CCDC7: variants seen among roughly 807,000 people sequenced by gnomAD.
CCDC7 encodes the protein coiled-coil domain containing 7, also known as coiled-coil domain-containing protein 7.
CCDC7 carries 183 observed loss-of-function variants against 196.9 expected under a neutral mutation model. The ratio of observed to expected loss-of-function variants is 0.93; its 90% confidence interval spans 0.82 to 1.05. The LOEUF (loss-of-function observed/expected upper bound fraction) is 1.05. Among genes scored for constraint, CCDC7 ranks in the 50% least tolerant of loss-of-function variants. CCDC7 has a pLI of 0.00. For synonymous variants in CCDC7, 525 were observed against 484.6 expected, an observed-to-expected ratio of 1.08 and a Z score of -1.10; for missense variants, 1,540 against 1,482.2, an observed-to-expected ratio of 1.04 and a Z score of -0.64.
At chr10:32,814,029 C>T (rs1016063604) in intron 30 of CCDC7, among the ~76,000 whole-genome samples, 1 of 152,158 alleles carries the variant, frequency 6.6e-6, no homozygotes, top group African/African-American at 2.4e-5. Flanking sequence ...ATGATCTCAG[C>T]TCACTGCAAC....
intron 20 of CCDC7, among the ~76,000 whole-genome samples, chr10:32,652,594 C>A (rs1056275462): frequency 6.6e-6 from 1 of 151,614 alleles, no homozygotes; most frequent in Non-Finnish European, 1.5e-5. Context: ...TTGTGGTTAC[C>A]GTGAGGCTTA....
At chr10:32,468,732 G>C (rs966738670) in intron 5 of CCDC7, among the ~76,000 whole-genome samples, 3 of 142,288 alleles carry the variant, frequency 2.1e-5, no homozygotes, top group Non-Finnish European at 4.7e-5. Flanking sequence ...TACTGGATTA[G>C]ATTTCTTTTG....
At chr10:32,547,620 A>G in intron 13 of CCDC7, among the ~76,000 whole-genome samples, 1 of 152,336 alleles carries the variant, frequency 6.6e-6, no homozygotes, top group East Asian at 1.9e-4. Flanking sequence ...TTCTGTGGGT[A>G]CATAGTAGGT....
intron 23 of CCDC7, among the ~76,000 whole-genome samples, chr10:32,693,007 T>C (rs988832842): frequency 1.3e-5 from 2 of 152,200 alleles, no homozygotes; most frequent in Non-Finnish European, 2.9e-5. Flanking sequence ...GAGTTCAGAT[T>C]GCTTAACACA....
exon 32 of CCDC7, chr10:32,824,581 A>G: frequency 6.2e-7 from 1 of 1,611,482 alleles, no homozygotes; most frequent in Non-Finnish European, 8.5e-7. Flanking sequence ...ATTAAGACGC[A>G]GTTAAAGAGA....
chr10:32,647,010 T>G (rs1414994455), intron 20 of CCDC7, among the ~76,000 whole-genome samples: 2 of 152,232 alleles, frequency 1.3e-5, no homozygotes, highest in Admixed American at 6.5e-5. Flanking sequence ...TGATTCCATG[T>G]CTTGCTATTG....
chr10:32,744,720 T>A (rs577187167), intron 28 of CCDC7, among the ~76,000 whole-genome samples: 2 of 152,352 alleles, frequency 1.3e-5, no homozygotes, highest in Non-Finnish European at 2.9e-5. Flanking sequence ...GGTAACAGTC[T>A]TTTATCAGAT....
At chr10:32,641,107 G>A (rs1269642531) in intron 20 of CCDC7, among the ~76,000 whole-genome samples, 2 of 151,934 alleles carry the variant, frequency 1.3e-5, no homozygotes, top group African/African-American at 4.8e-5. Context: ...TTTCAACTTT[G>A]GTGAATCTGA....
intron 13 of CCDC7, among the ~76,000 whole-genome samples, chr10:32,549,508 G>T (rs61856039): frequency 0.024 from 3,685 of 152,032 alleles, 65 homozygotes; most frequent in Non-Finnish European, 0.036. Context: ...TCTAGAAGGG[G>T]TTTTCCAATG....
At chr10:32,853,168 T>C (rs1007812316) in intron 40 of CCDC7, among the ~76,000 whole-genome samples, 6 of 152,226 alleles carry the variant, frequency 3.9e-5, no homozygotes, top group South Asian at 2.1e-4. Flanking sequence ...GGTTTTTTTT[T>C]CTAAGCCCAA....
intron 25 of CCDC7, 63 bp downstream of exon 26, chr10:32,711,793 T>C (rs2080880413): frequency 1.1e-6 from 1 of 932,982 alleles, no homozygotes; most frequent in East Asian, 3.0e-5. Context: ...AACTTTTTTC[T>C]TTGGTTCATA....
At chr10:32,616,166 A>G (rs1246094694) in intron 18 of CCDC7, among the ~76,000 whole-genome samples, 1 of 151,964 alleles carries the variant, frequency 6.6e-6, no homozygotes. Context: ...TTCCATATGA[A>G]TTTTAGGATT....
rs190663058 is a variant in CCDC7 at position 32,754,629 on chromosome 10, T to C, written c.2906-24348T>C. Among the ~76,000 whole-genome samples, 4 of 152,244 alleles carry C rather than the reference T, an allele frequency of 2.6e-5. No homozygotes were observed. The East Asian group carries it at 7.7e-4, about 29-fold the overall frequency. On this transcript the variant is annotated intron_variant, in intron 28 of 41. Coordinates refer to ENST00000639629, the Ensembl canonical transcript of CCDC7. ...CTAACTGCATATTAAAAAGCTGCAT[T>C]ATAAAATAATAAACATGAGGGAGGT... is the stretch of plus-strand genomic sequence containing the variant.
intron 15 of CCDC7, among the ~76,000 whole-genome samples, chr10:32,568,560 G>A (rs1038452163): frequency 7.2e-5 from 11 of 152,132 alleles, no homozygotes; most frequent in Admixed American, 2.0e-4. Context: ...GTTAGATCAT[G>A]TATATAAACG....
At chr10:32,520,083 G>A (rs542703308) in intron 11 of CCDC7, among the ~76,000 whole-genome samples, 1 of 152,120 alleles carries the variant, frequency 6.6e-6, no homozygotes, top group South Asian at 2.1e-4. Context: ...ACTCCATCGT[G>A]TATGAGTATT....
At chr10:32,823,805 C>G (rs571817975) in intron 31 of CCDC7, among the ~76,000 whole-genome samples, 1 of 152,278 alleles carries the variant, frequency 6.6e-6, no homozygotes, top group South Asian at 2.1e-4. Flanking sequence ...ACATAAAACT[C>G]AAATGAAAAG....
chr10:32,584,185 T>C (rs2059010772), intron 17 of CCDC7, 47 bp from the exon 19 acceptor site: 2 of 1,011,260 alleles, frequency 2.0e-6, no homozygotes, highest in Admixed American at 5.0e-5. Flanking sequence ...GATATATATA[T>C]ATATGTATAT....
intron 29 of CCDC7, among the ~76,000 whole-genome samples, chr10:32,804,341 A>G (rs1463805856): frequency 6.6e-6 from 1 of 152,182 alleles, no homozygotes; most frequent in Non-Finnish European, 1.5e-5. Flanking sequence ...AAAGTACCCA[A>G]TTTTACTCCT....
chr10:32,703,015 A>G (rs1163208538), intron 24 of CCDC7, among the ~76,000 whole-genome samples: 1 of 152,138 alleles, frequency 6.6e-6, no homozygotes, highest in Non-Finnish European at 1.5e-5. Flanking sequence ...GCCTATTTAC[A>G]TTTAAGGTTA....
Sources: gnomAD v4.1 joint callset for allele counts (sites outside exome capture counted in the v4.1 genomes callset) on GRCh38, gnomAD v4.1.1 for gene constraint, MANE v1.5 for transcripts, NCBI Gene and HGNC (gene_info 2026-07-23, HGNC 2026-07-21) for gene names.